RNF144B: variants seen among roughly 807,000 people sequenced by gnomAD.
RNF144B encodes ring finger protein 144B.
A neutral mutation model predicts 40.2 loss-of-function variants in RNF144B; 25 were observed. The observed-to-expected ratio is 0.62, with a 90% CI of 0.45 to 0.87. The LOEUF (loss-of-function observed/expected upper bound fraction) is 0.87. Ranked by LOEUF, RNF144B falls within the 40% of genes least tolerant of loss-of-function variation. The pLI, the probability that RNF144B is intolerant of heterozygous loss-of-function variation, is 0.00. For missense variants in RNF144B, 365 were observed against 373.7 expected (o/e 0.98, Z 0.19); for synonymous variants, 145 against 136.3 (o/e 1.06, Z -0.44).
In RNF144B at chr6:18,438,710, C is replaced by T. The variant is rs547465921; in HGVS notation, c.271-974C>T. On this transcript the variant is annotated intron_variant, in intron 3 of 7. Coordinates refer to ENST00000259939, the MANE Select transcript of RNF144B (RefSeq NM_182757.4). ...AAAGCAGATGTCCTTTCCTTAGTTGCAAGAACGTCAATGTAGGTGTGTTTT... is the reference window on the plus strand; with the variant it reads ...AAAGCAGATGTCCTTTCCTTAGTTGTAAGAACGTCAATGTAGGTGTGTTTT... Among the ~76,000 whole-genome samples the T allele has an allele frequency of 5.3e-5, 8 of 152,152 alleles. No homozygotes were observed. In the South Asian group the frequency reaches 1.2e-3, roughly 24 times the overall value.
Position 18,416,735 on chromosome 6 carries a change from C to T in RNF144B, c.166-10846C>T, listed in dbSNP as rs1348522025. On this transcript the variant is annotated intron_variant, in intron 2 of 7. Coordinates refer to ENST00000259939, the MANE Select transcript of RNF144B (RefSeq NM_182757.4). The surrounding 1 kb of genome is among the most constrained non-coding windows in gnomAD (Gnocchi z 5.5). Reference sequence around the variant, plus strand: ...GCTTCCTTTGCTGTTTCTTTTGGAACTAGCTGAATGCTTGTATTCTCTATG... The same window carrying T: ...GCTTCCTTTGCTGTTTCTTTTGGAATTAGCTGAATGCTTGTATTCTCTATG... Among the ~76,000 whole-genome samples, 1 of 152,124 alleles carries T rather than the reference C, an allele frequency of 6.6e-6. No homozygotes were observed. Among genetic ancestry groups the T allele is most frequent in the East Asian group, 1.9e-4 (1 of 5,192 alleles).
chr6:18,409,559 AC>A (rs1301651576), intron 2 of RNF144B, among the ~76,000 whole-genome samples: 4 of 66,594 alleles, frequency 6.0e-5, no homozygotes, highest in South Asian at 5.6e-4. Context: ...CACTTGCATA[AC>A]CTTTTTTTTT....
At position 18,457,274 on chromosome 6, in the gene RNF144B, A is replaced by C. The variant is rs1284710832; in HGVS notation, c.451A>C (p.Lys151Gln). Residue 151 changes from lysine to glutamine, a missense_variant, in exon 5 of 8, where the codon AAA becomes CAA. Lys to Gln is a moderately conservative substitution (Grantham distance 53, BLOSUM62 1). Transcript: ENST00000259939. This position sits in a 1 kb window ranked among gnomAD's most constrained non-coding sequence, Gnocchi z 5.1. ...GGTGGAATGCCCTTCTTGCCACCTG[A>C]AATTCTGCTCGTGTTGCAAGGATGC... is the stretch of plus-strand genomic sequence containing the variant. The part of the protein sequence containing the change: ...VLVECPSCHL[K>Q]FCSCCKDAWH... 2 of 1,614,158 alleles carry C rather than the reference A, an allele frequency of 1.2e-6. No homozygotes were observed. The highest frequency in any genetic ancestry group is 1.7e-6 in the Non-Finnish European group (2 of 1,180,014).
At position 18,443,139 on chromosome 6, in the gene RNF144B, A is replaced by G. The variant is rs1562054615; in HGVS notation, c.331+3395A>G. Among the ~76,000 whole-genome samples the G allele has an allele frequency of 6.6e-6, 1 of 152,238 alleles. No homozygotes were observed. The highest frequency in any genetic ancestry group is 1.5e-5 in the Non-Finnish European group (1 of 68,040). On this transcript the variant is annotated intron_variant, in intron 4 of 7. Coordinates refer to ENST00000259939, the MANE Select transcript of RNF144B (RefSeq NM_182757.4). This position sits in a 1 kb window ranked among gnomAD's most constrained non-coding sequence, Gnocchi z 4.7. ...CCTATAATTTAAATATAAATTTAATAGACATCTTACTGTCATAAAGTATTG... is the reference window on the plus strand; with the variant it reads ...CCTATAATTTAAATATAAATTTAATGGACATCTTACTGTCATAAAGTATTG...
At chr6:18,399,420 C>T (rs1794754445) in intron 1 of RNF144B, 79 bp from the exon 2 acceptor site, 3 of 993,832 alleles carry the variant, frequency 3.0e-6, no homozygotes, top group Non-Finnish European at 4.4e-6. Flanking sequence ...AGAATTTGAT[C>T]AGCTGGCCTC....
Position 18,465,057 on chromosome 6 carries a change from C to G in RNF144B, c.902C>G (p.Ser301Cys). Reference sequence around the variant, plus strand: ...GGCAAGAAGAAAAAGCACGACCCATCCACAACCTAAAGATCTCTGTGTTCA... The same window carrying G: ...GGCAAGAAGAAAAAGCACGACCCATGCACAACCTAAAGATCTCTGTGTTCA... ...CRGKKKKHDPSTT is the reference protein window; with the variant it reads ...CRGKKKKHDPCTT The change falls in exon 8 of 8, where the codon TCC becomes TGC. Residue 301 changes from serine (S) to cysteine (C), a missense_variant. Coordinates refer to ENST00000259939, the MANE Select transcript of RNF144B (RefSeq NM_182757.4). 1.2e-6 allele frequency: 2 copies of G among 1,613,690 alleles called. No homozygotes were observed. The highest frequency in any genetic ancestry group is 1.7e-6 in the Non-Finnish European group (2 of 1,179,844).
Position 18,459,599 on chromosome 6 carries a change from G to A in RNF144B, c.537-8G>A. The A allele has an allele frequency of 6.2e-7, 1 of 1,611,864 alleles. No individual in the cohort carries two copies. Among genetic ancestry groups the A allele is most frequent in the South Asian group, 1.1e-5 (1 of 90,862 alleles). On this transcript the variant is annotated splice_polypyrimidine_tract_variant and splice_region_variant and intron_variant, in intron 5 of 7. Transcript: ENST00000259939. The surrounding 1 kb of genome is among the most constrained non-coding windows in gnomAD (Gnocchi z 4.2). ...CTGAATGCCATTTCTCATCCATTTT[G>A]TTTCTAGAGCCCTCTTTGGGACAGA...
intron 3 of RNF144B, among the ~76,000 whole-genome samples, chr6:18,433,544 T>A (rs1369948070): frequency 6.6e-6 from 1 of 152,224 alleles, no homozygotes. Flanking sequence ...TGTCCCTTTT[T>A]ACTTATGACT....
intron 3 of RNF144B, among the ~76,000 whole-genome samples, chr6:18,436,710 T>C (rs1324333241): frequency 6.6e-6 from 1 of 152,214 alleles, no homozygotes; most frequent in African/African-American, 2.4e-5. Context: ...AATTTTACAG[T>C]ACTTGTGAAT....
chr6:18,426,045 A>G (rs902071748), intron 2 of RNF144B, among the ~76,000 whole-genome samples: 1 of 152,192 alleles, frequency 6.6e-6, no homozygotes, highest in African/African-American at 2.4e-5. Flanking sequence ...TAGTGATACT[A>G]GTTTTATTTT....
Position 18,459,721 on chromosome 6 carries a change from AT to A in RNF144B, c.655del (p.Cys219AlafsTer33), listed in dbSNP as rs1195201740. 3.7e-6 allele frequency: 6 copies of A among 1,614,050 alleles called. No individual in the cohort carries two copies. The African/African-American group carries it at 6.7e-5, about 18-fold the overall frequency. ...QMMCKNCKHT[F>X]CWYCLQNLDN... ...TGATGTGCAAAAACTGCAAGCATAC[AT>A]TTTGCTGGTACTGCCTCCAGAACTT... On this transcript the variant is annotated frameshift_variant, in exon 6 of 8. Coordinates refer to ENST00000259939, the MANE Select transcript of RNF144B (RefSeq NM_182757.4). LOFTEE classifies it high-confidence loss of function. The surrounding 1 kb of genome is among the most constrained non-coding windows in gnomAD (Gnocchi z 4.2).
chr6:18,402,762 G>A (rs368365665), intron 2 of RNF144B, among the ~76,000 whole-genome samples: 1 of 152,222 alleles, frequency 6.6e-6, no homozygotes, highest in African/African-American at 2.4e-5. Context: ...GGAAAGGAAT[G>A]TGGTAGATGT....
At chr6:18,393,087 C>T (rs1271042541) in intron 1 of RNF144B, among the ~76,000 whole-genome samples, 1 of 148,400 alleles carries the variant, frequency 6.7e-6, no homozygotes, top group Non-Finnish European at 1.5e-5. Context: ...CGCCACTGCA[C>T]TCCAGCCTGG....
chr6:18,394,734 CCTT>C (rs774504391), intron 1 of RNF144B, among the ~76,000 whole-genome samples: 3 of 152,122 alleles, frequency 2.0e-5, no homozygotes, highest in African/African-American at 7.2e-5. Flanking sequence ...TGAAGTATTC[CCTT>C]CTTTGACAAT....
chr6:18,420,406 G>A (rs995918482), intron 2 of RNF144B, among the ~76,000 whole-genome samples: 1 of 152,040 alleles, frequency 6.6e-6, no homozygotes, highest in African/African-American at 2.4e-5. Context: ...CAGGTCCTGT[G>A]ATTGATTAGG....
chr6:18,388,727 T>C (rs1291839156), intron 1 of RNF144B, among the ~76,000 whole-genome samples: 2 of 152,112 alleles, frequency 1.3e-5, no homozygotes, highest in Non-Finnish European at 2.9e-5. Flanking sequence ...ACAAAGCCAC[T>C]TGTAGATAAT....
At chr6:18,439,587 A>T (rs1758909672) in intron 3 of RNF144B, 97 bp from the exon 4 acceptor site, 1 of 827,366 alleles carries the variant, frequency 1.2e-6, no homozygotes, top group Admixed American at 2.0e-5. Flanking sequence ...GGTGTAGAGA[A>T]AGTATAATAA....
Position 18,413,316 on chromosome 6 carries a change from T to C in RNF144B, c.165+13617T>C, listed in dbSNP as rs1795083984. ...GCCTATAAAATGCAAAATTGACAAC[T>C]GGCTACTGATTTTATATACGTAAAA... On this transcript the variant is annotated intron_variant, in intron 2 of 7. Transcript: ENST00000259939. Among the ~76,000 whole-genome samples, 2 of 152,224 alleles carry C rather than the reference T, an allele frequency of 1.3e-5. 1 individual carries two copies. Among genetic ancestry groups the C allele is most frequent in the Non-Finnish European group, 2.9e-5 (2 of 68,024 alleles).
At chr6:18,440,587 A>G (rs183625627) in intron 4 of RNF144B, among the ~76,000 whole-genome samples, 1 of 152,198 alleles carries the variant, frequency 6.6e-6, no homozygotes, top group East Asian at 1.9e-4. Flanking sequence ...TGTGCCAATA[A>G]GTTTGGTCAG....
Sources: allele counts gnomAD v4.1 joint callset (sites outside exome capture counted in the v4.1 genomes callset), GRCh38; gene constraint gnomAD v4.1.1; non-coding constraint Gnocchi (gnomAD v3.1); transcripts MANE v1.5; gene names NCBI Gene and HGNC (gene_info 2026-07-23, HGNC 2026-07-21).